The following MACC1 variants were observed in gnomAD, a reference collection of about 807,000 sequenced individuals.
The protein encoded by MACC1 is MET transcriptional regulator MACC1, also known as metastasis-associated in colon cancer protein 1.
MACC1 carries 79 observed loss-of-function variants against 70.7 expected under a neutral mutation model. The observed-to-expected ratio is 1.12, with a 90% CI of 0.93 to 1.35. MACC1 has a LOEUF of 1.35. MACC1 is among the 40% of genes most tolerant of loss of function. MACC1 has a pLI of 0.00. For synonymous variants in MACC1, 361 were observed against 347.2 expected (o/e 1.04, Z -0.44); for missense variants, 1,106 against 978.1 (o/e 1.13, Z -1.74).
intron 3 of MACC1, among the ~76,000 whole-genome samples, chr7:20,163,335 A>G (rs1278998762): frequency 1.3e-5 from 2 of 152,244 alleles, no homozygotes; most frequent in Non-Finnish European, 2.9e-5. Context: ...AAGTGTCAAT[A>G]TGTGCAACCA....
Position 20,154,311 on chromosome 7 carries a change from GC to G in MACC1, c.2227del (p.Ala743LeufsTer11). 6.2e-7 allele frequency: 1 copy of G among 1,613,958 alleles called. No individual in the cohort carries two copies. The highest frequency in any genetic ancestry group is 8.5e-7 in the Non-Finnish European group (1 of 1,179,932). ...LIQEAAVLTS[A>X]VKLGKGWREL... Reference sequence around the variant, plus strand: ...CCTCCAGCCTTTTCCAAGCTTGACAGCTGAAGTCAGAACAGCAGCTTCTTGG... The same window carrying G: ...CCTCCAGCCTTTTCCAAGCTTGACAGTGAAGTCAGAACAGCAGCTTCTTGG... On this transcript the variant is annotated frameshift_variant, in exon 6 of 7. Coordinates refer to ENST00000400331, the MANE Select transcript of MACC1 (RefSeq NM_182762.4). LOFTEE classifies it high-confidence loss of function.
At chr7:20,147,821 G>A (rs1201548846) in intron 6 of MACC1, among the ~76,000 whole-genome samples, 1 of 152,138 alleles carries the variant, frequency 6.6e-6, no homozygotes, top group African/African-American at 2.4e-5. Context: ...CCTTGCTAGT[G>A]CATCTGCTTA....
chr7:20,163,971 A>G (rs1395419606), intron 3 of MACC1, among the ~76,000 whole-genome samples: 1 of 152,168 alleles, frequency 6.6e-6, no homozygotes, highest in African/African-American at 2.4e-5. Flanking sequence ...AAGTCTCGCT[A>G]TATCGCCCAG....
At chr7:20,187,897 C>T (rs923548913) in intron 1 of MACC1, among the ~76,000 whole-genome samples, 11 of 152,142 alleles carry the variant, frequency 7.2e-5, no homozygotes, top group Admixed American at 2.6e-4. Context: ...TTAGTCCATT[C>T]TCACCCTACT....
In MACC1 at chr7:20,154,351, C is replaced by G; in HGVS notation, c.2188G>C (p.Val730Leu). The G allele has an allele frequency of 1.9e-6, 3 of 1,613,866 alleles. No homozygotes were observed. The highest frequency in any genetic ancestry group is 2.5e-6 in the Non-Finnish European group (3 of 1,179,862). ...GCAGCTTCTTGGATGAGACGTGCGA[C>G]TAACTCTTGGCAATCCATTTTCAGA... ...ALLKMDCQEL[V>L]ARLIQEAAVL... Residue 730 changes from valine (V) to leucine (L), a missense_variant, in exon 6 of 7, where the codon GTC becomes CTC. Transcript: ENST00000400331.
intron 1 of MACC1, among the ~76,000 whole-genome samples, chr7:20,200,880 T>C (rs1782823590): frequency 1.3e-5 from 2 of 152,204 alleles, no homozygotes; most frequent in African/African-American, 2.4e-5. Context: ...CAAGTGTCCA[T>C]GCCATACTCA....
At chr7:20,168,865 G>A (rs1229498198) in intron 2 of MACC1, among the ~76,000 whole-genome samples, 1 of 152,168 alleles carries the variant, frequency 6.6e-6, no homozygotes, top group Non-Finnish European at 1.5e-5. Context: ...CTAAGATCCA[G>A]AGCAGCTTTT....
intron 1 of MACC1, among the ~76,000 whole-genome samples, chr7:20,178,674 A>G (rs1283524328): frequency 6.6e-6 from 1 of 152,164 alleles, no homozygotes; most frequent in African/African-American, 2.4e-5. Context: ...ATCTCGGCTC[A>G]CCGCAACCTC....
intron 1 of MACC1, among the ~76,000 whole-genome samples, chr7:20,197,585 C>T (rs141038705): frequency 1.5e-3 from 226 of 152,278 alleles, no homozygotes; most frequent in African/African-American, 3.4e-3. Flanking sequence ...TGTTCTCGTA[C>T]GCCTACTCAC....
chr7:20,179,258 T>A (rs1782463030), intron 1 of MACC1, among the ~76,000 whole-genome samples: 1 of 152,128 alleles, frequency 6.6e-6, no homozygotes, highest in Admixed American at 6.5e-5. Flanking sequence ...AAAAATTCCA[T>A]CATTTAAAAT....
chr7:20,205,568 A>G (rs1782899351), intron 1 of MACC1, among the ~76,000 whole-genome samples: 1 of 152,160 alleles, frequency 6.6e-6, no homozygotes, highest in South Asian at 2.1e-4. Context: ...TAGTTACCAA[A>G]AAATATAAAC....
At chr7:20,184,731 T>C (rs73685415) in intron 1 of MACC1, among the ~76,000 whole-genome samples, 1,732 of 152,280 alleles carry the variant, frequency 0.011, 32 homozygotes, top group African/African-American at 0.04. Context: ...CACTCTTTAC[T>C]CTTAACTACA....
intron 1 of MACC1, among the ~76,000 whole-genome samples, chr7:20,203,170 TG>T (rs1782857477): frequency 6.6e-6 from 1 of 152,270 alleles, no homozygotes; most frequent in East Asian, 1.9e-4. Context: ...AGTTTCAAAA[TG>T]CAGTATTATT....
chr7:20,163,685 C>T (rs1782169943), intron 3 of MACC1, among the ~76,000 whole-genome samples: 1 of 152,160 alleles, frequency 6.6e-6, no homozygotes, highest in Non-Finnish European at 1.5e-5. Context: ...TTCTCTTCAT[C>T]CCATGACAAC....
At chr7:20,180,856 T>C (rs1024957814) in intron 1 of MACC1, among the ~76,000 whole-genome samples, 13 of 151,820 alleles carry the variant, frequency 8.6e-5, no homozygotes, top group African/African-American at 3.1e-4. Flanking sequence ...CAAATAACAA[T>C]AATAATAATA....
At chr7:20,174,455 A>G (rs1782362588) in intron 1 of MACC1, among the ~76,000 whole-genome samples, 1 of 152,196 alleles carries the variant, frequency 6.6e-6, no homozygotes, top group Non-Finnish European at 1.5e-5. Context: ...TAAAAATATA[A>G]CTATATGGGA....
chr7:20,176,351 G>T (rs1274629412), intron 1 of MACC1, among the ~76,000 whole-genome samples: 3 of 152,018 alleles, frequency 2.0e-5, no homozygotes, highest in African/African-American at 7.2e-5. Context: ...CTGTAGCAGG[G>T]TTAATTAATC....
chr7:20,157,287 A>C (rs1431851657), intron 5 of MACC1, among the ~76,000 whole-genome samples: 5 of 152,064 alleles, frequency 3.3e-5, no homozygotes, highest in Admixed American at 1.3e-4. Context: ...TAAAATATTG[A>C]ATTTCTACTT....
At chr7:20,179,334 C>T (rs1782464223) in intron 1 of MACC1, among the ~76,000 whole-genome samples, 1 of 152,170 alleles carries the variant, frequency 6.6e-6, no homozygotes, top group South Asian at 2.1e-4. Flanking sequence ...ATAATTATGG[C>T]TGTGTTAGAT....
Sources: allele counts gnomAD v4.1 joint callset (sites outside exome capture counted in the v4.1 genomes callset), GRCh38; gene constraint gnomAD v4.1.1; transcripts MANE v1.5; gene names NCBI Gene and HGNC (gene_info 2026-07-23, HGNC 2026-07-21).